Variants in MTUS2 observed in about 807,000 individuals in gnomAD.
The protein encoded by MTUS2 is microtubule associated scaffold protein 2, also known as microtubule-associated tumor suppressor candidate 2.
Under a neutral mutation model 114.1 loss-of-function variants are expected in MTUS2, and 40 were observed. That is an observed-to-expected ratio of 0.35 (90% CI 0.27 to 0.46). The LOEUF is 0.46. Ranked by LOEUF, MTUS2 falls within the 20% of genes least tolerant of loss-of-function variation. The pLI is 1.00. For missense variants in MTUS2, 1,679 were observed against 1,705.4 expected, an observed-to-expected ratio of 0.98 and a Z score of 0.27; for synonymous variants, 688 against 672.0, an observed-to-expected ratio of 1.02 and a Z score of -0.37.
At chr13:29,271,249 TC>T (rs1897870960) in intron 5 of MTUS2, among the ~76,000 whole-genome samples, 1 of 152,204 alleles carries the variant, frequency 6.6e-6, no homozygotes, top group African/African-American at 2.4e-5. Flanking sequence ...GTACTTTCTG[TC>T]CCTGCAACAG....
chr13:29,039,434 C>T (rs1045025079), intron 4 of MTUS2, among the ~76,000 whole-genome samples: 2 of 152,196 alleles, frequency 1.3e-5, no homozygotes, highest in Non-Finnish European at 2.9e-5. Context: ...AGGGCTAGGC[C>T]GGCGCGTCAC....
intron 4 of MTUS2, among the ~76,000 whole-genome samples, chr13:29,056,572 TTG>T (rs945451732): frequency 2.0e-5 from 3 of 152,034 alleles, no homozygotes; most frequent in Admixed American, 6.6e-5. Context: ...TCTCAGGACA[TTG>T]TGTGTTTCTA....
At chr13:29,434,208 C>A (rs1803026560) in intron 8 of MTUS2, among the ~76,000 whole-genome samples, 1 of 152,024 alleles carries the variant, frequency 6.6e-6, no homozygotes, top group Admixed American at 6.5e-5. Context: ...GTCCTCAGTA[C>A]CCCATGTAGC....
intron 8 of MTUS2, among the ~76,000 whole-genome samples, chr13:29,374,010 A>G (rs573778742): frequency 5.9e-5 from 9 of 152,356 alleles, no homozygotes; most frequent in Admixed American, 4.6e-4. Context: ...AGAAAGATGT[A>G]TCAAAGGAAG....
At chr13:29,160,826 C>T (rs1893064817) in intron 5 of MTUS2, among the ~76,000 whole-genome samples, 1 of 152,142 alleles carries the variant, frequency 6.6e-6, no homozygotes, top group East Asian at 1.9e-4. Context: ...TTGGCATCCC[C>T]CGCCCCTGCA....
rs151312106 is a variant in MTUS2, at chr13:28,893,109, T to A, written c.-243+53259T>A. On this transcript the variant is annotated intron_variant, in intron 2 of 15. Coordinates refer to ENST00000612955, the MANE Select transcript of MTUS2 (RefSeq NM_001033602.4). ...TTCATTTTCAGGTGTATATGGAGGT[T>A]CTTACTGCAAGTGGAGAAGTTTGGA... Among the ~76,000 whole-genome samples, 759 of 152,264 alleles carry A rather than the reference T, an allele frequency of 5.0e-3. 2 individuals are homozygous for A. Among genetic ancestry groups the A allele is most frequent in the Non-Finnish European group, 8.3e-3 (564 of 68,020 alleles).
At chr13:29,267,131 A>G (rs146265103) in intron 5 of MTUS2, among the ~76,000 whole-genome samples, 1 of 152,292 alleles carries the variant, frequency 6.6e-6, no homozygotes, top group African/African-American at 2.4e-5. Context: ...GGGGGGATTT[A>G]TATGTGAAGT....
In MTUS2 at chr13:29,177,307, A is replaced by G. The variant is rs576512601; in HGVS notation, c.2644+76337A>G. On this transcript the variant is annotated intron_variant, in intron 5 of 15. Transcript: ENST00000612955. ...GCTATGAGACTAGATAAAATCACAA[A>G]GGAAGTGTATATAGATGAAAACTAA... 3.8e-4 allele frequency among the ~76,000 whole-genome samples: 58 copies of G among 151,136 alleles called. 2 individuals are homozygous for G. The highest frequency in any genetic ancestry group is 1.4e-3 in the African/African-American group (55 of 40,470).
intron 5 of MTUS2, among the ~76,000 whole-genome samples, chr13:29,180,761 T>C (rs946808010): frequency 6.6e-5 from 10 of 152,204 alleles, no homozygotes; most frequent in African/African-American, 1.9e-4. Context: ...GGTTGCATGC[T>C]TATGGGATTT....
intron 6 of MTUS2, chr13:29,307,615 C>A: frequency 1.7e-6 from 2 of 1,165,508 alleles, no homozygotes; most frequent in South Asian, 1.2e-5. Flanking sequence ...CACTGAGTAC[C>A]AGCTTGTCTC....
At chr13:29,033,356 C>A (rs1322262611) in intron 3 of MTUS2, among the ~76,000 whole-genome samples, 1 of 152,132 alleles carries the variant, frequency 6.6e-6, no homozygotes, top group African/African-American at 2.4e-5. Flanking sequence ...ATTAACTTCC[C>A]TATTTTTCTG....
rs187859407 is a variant in MTUS2 at position 28,963,187 on chromosome 13, T to A, written c.-242-61270T>A. ...TAACACGGTGAAACCCCATCTCTAC[T>A]AAAAATATAAAAAATTAGCCGGGCG... On this transcript the variant is annotated intron_variant, in intron 2 of 15. Transcript: ENST00000612955. Among the ~76,000 whole-genome samples the A allele has an allele frequency of 3.5e-3, 537 of 152,050 alleles. 2 individuals are homozygous for A. Among genetic ancestry groups the A allele is most frequent in the African/African-American group, 0.012 (516 of 41,474 alleles).
At chr13:29,365,510 T>TGTGTGTGTGTGTGTG (rs141144487) in intron 8 of MTUS2, among the ~76,000 whole-genome samples, 2 of 146,822 alleles carry the variant, frequency 1.4e-5, no homozygotes, top group Admixed American at 6.8e-5. Context: ...TTGTTTGGGT[T>TGTGTGTGTGTGTGTG]TGTGTGTGTG....
chr13:29,210,498 A>G (rs571287889), intron 5 of MTUS2, among the ~76,000 whole-genome samples: 1 of 152,130 alleles, frequency 6.6e-6, no homozygotes, highest in East Asian at 1.9e-4. Context: ...GTGTTAAAAA[A>G]TCTTGTTTTG....
intron 8 of MTUS2, among the ~76,000 whole-genome samples, chr13:29,435,371 C>G (rs1877328790): frequency 6.6e-6 from 1 of 152,150 alleles, no homozygotes; most frequent in African/African-American, 2.4e-5. Flanking sequence ...CACTCATCCC[C>G]CATTTAGAGA....
At chr13:28,910,043 A>G (rs879287402) in intron 2 of MTUS2, among the ~76,000 whole-genome samples, 3 of 152,108 alleles carry the variant, frequency 2.0e-5, no homozygotes. Flanking sequence ...CAATCCAGTT[A>G]TACTCTTTTA....
rs186383841 is a variant in MTUS2 at position 28,996,357 on chromosome 13, T to G, written c.-242-28100T>G. 3.9e-5 allele frequency among the ~76,000 whole-genome samples: 6 copies of G among 152,282 alleles called. No individual in the cohort carries two copies. The East Asian group carries it at 1.2e-3, about 29-fold the overall frequency. On this transcript the variant is annotated intron_variant, in intron 2 of 15. Transcript: ENST00000612955. Reference sequence around the variant, plus strand: ...TCATCAAGGATATTGGTCTAAAATTTTCTTTTTTTGTTGTGTCTCTGCCAG... The same window carrying G: ...TCATCAAGGATATTGGTCTAAAATTGTCTTTTTTTGTTGTGTCTCTGCCAG...
chr13:29,326,711 T>A (rs543065548), intron 7 of MTUS2, among the ~76,000 whole-genome samples: 28 of 152,352 alleles, frequency 1.8e-4, no homozygotes, highest in African/African-American at 5.8e-4. Context: ...CCAGGCGTGG[T>A]GGCTCGTGCC....
chr13:29,427,997 G>A (rs553762907), intron 8 of MTUS2, among the ~76,000 whole-genome samples: 2 of 152,164 alleles, frequency 1.3e-5, no homozygotes, highest in African/African-American at 2.4e-5. Flanking sequence ...GAAAGATCAA[G>A]TCCTTCAAGG....
Sources: allele counts gnomAD v4.1 joint callset (sites outside exome capture counted in the v4.1 genomes callset), GRCh38; gene constraint gnomAD v4.1.1; transcripts MANE v1.5; gene names NCBI Gene and HGNC (gene_info 2026-07-23, HGNC 2026-07-21).